ADRA1B: variants seen among roughly 807,000 people sequenced by gnomAD.
The protein encoded by ADRA1B is alpha-1B adrenergic receptor.
A neutral mutation model predicts 17.9 loss-of-function variants in ADRA1B; 17 were observed. The ratio of observed to expected loss-of-function variants is 0.95; its 90% CI spans 0.65 to 1.42. The LOEUF is 1.42. Among genes scored for constraint, ADRA1B ranks in the 40% most tolerant of loss-of-function variants. The probability of loss-of-function intolerance (pLI) is 0.00; values close to 1 mark genes in which losing one functional copy is unlikely to be tolerated. For missense variants in ADRA1B, 681 were observed against 722.1 expected, an observed-to-expected ratio of 0.94 and a Z score of 0.65; for synonymous variants, 366 against 327.6, an observed-to-expected ratio of 1.12 and a Z score of -1.27.
chr5:159,888,879 T>G (rs1039732279), intron 1 of ADRA1B, among the ~76,000 whole-genome samples: 1 of 152,230 alleles, frequency 6.6e-6, no homozygotes, highest in Non-Finnish European at 1.5e-5. Context: ...TTACCTGAAC[T>G]TCGGCTTACA....
chr5:159,871,725 G>T lies in ADRA1B; in HGVS notation c.-256+6519G>T, dbSNP rs183711655. 2.6e-5 allele frequency among the ~76,000 whole-genome samples: 4 copies of T among 152,232 alleles called. No individual in the cohort carries two copies. In the South Asian group the frequency reaches 6.2e-4, roughly 24 times the overall value. On this transcript the variant is annotated intron_variant, in intron 1 of 2. Coordinates refer to the ADRA1B transcript ENST00000641205. ...GGTGGGGTGGGGTTAGGACTTAGACGTATCTTTTGGAGATCTGCTATTCAA... is the reference window on the plus strand; with the variant it reads ...GGTGGGGTGGGGTTAGGACTTAGACTTATCTTTTGGAGATCTGCTATTCAA...
intron 1 of ADRA1B, among the ~76,000 whole-genome samples, chr5:159,885,144 T>C (rs1226286754): frequency 2.0e-5 from 3 of 152,132 alleles, no homozygotes; most frequent in African/African-American, 7.2e-5. Flanking sequence ...TCACAGACTA[T>C]CAGAACAGGA....
At chr5:159,880,309 AT>A (rs779628006) in intron 1 of ADRA1B, among the ~76,000 whole-genome samples, 38 of 152,342 alleles carry the variant, frequency 2.5e-4, no homozygotes, top group Non-Finnish European at 4.0e-4. Context: ...GGAAACATTC[AT>A]TTACTGAATT....
At chr5:159,900,959 T>G (rs573028861) in intron 1 of ADRA1B, among the ~76,000 whole-genome samples, 18 of 152,132 alleles carry the variant, frequency 1.2e-4, no homozygotes, top group Admixed American at 7.2e-4. Flanking sequence ...GGAGAGAAAA[T>G]AGTTTTAATT....
chr5:159,984,446 G>C, the ADRA1B span, among the ~76,000 whole-genome samples: 6 of 152,210 alleles, frequency 3.9e-5, no homozygotes, highest in South Asian at 1.2e-3. Flanking sequence ...ATCAGAAGCT[G>C]CCCAGAATCC....
At chr5:159,935,550 A>AT (rs921040608) in intron 1 of ADRA1B, among the ~76,000 whole-genome samples, 3 of 151,004 alleles carry the variant, frequency 2.0e-5, no homozygotes, top group Non-Finnish European at 4.4e-5. Flanking sequence ...CTTCTATACA[A>AT]TTTTTTTTTC....
chr5:159,971,870 C>A lies in ADRA1B; in HGVS notation c.950-9C>A. The A allele has an allele frequency of 3.6e-6, 2 of 550,144 alleles. No homozygotes were observed. Among genetic ancestry groups the A allele is most frequent in the South Asian group, 4.8e-5 (1 of 20,972 alleles). 34.1% of individuals were successfully genotyped at this position (550,144 alleles called of 1,614,324 possible). Reference sequence around the variant, plus strand: ...TTTCTGCCCGTGCCCACCCCCCTCCCCACTGCAGGCTCCTTGTTCTCCACC... The same window carrying A: ...TTTCTGCCCGTGCCCACCCCCCTCCACACTGCAGGCTCCTTGTTCTCCACC... On this transcript the variant is annotated splice_polypyrimidine_tract_variant and intron_variant, in intron 1 of 1. Transcript: ENST00000306675.
At chr5:159,909,309 T>C (rs557159602) in intron 1 of ADRA1B, among the ~76,000 whole-genome samples, 209 of 152,286 alleles carry the variant, frequency 1.4e-3, no homozygotes, top group Middle Eastern at 6.8e-3. Context: ...AGAAACCGCC[T>C]TCTGACATCA....
intron 1 of ADRA1B, among the ~76,000 whole-genome samples, chr5:159,904,720 A>C (rs901542365): frequency 6.6e-6 from 1 of 152,254 alleles, no homozygotes; most frequent in African/African-American, 2.4e-5. Context: ...GTAACAAGAT[A>C]CTGAAGTCTC....
intron 1 of ADRA1B, among the ~76,000 whole-genome samples, chr5:159,964,632 C>A (rs191331521): frequency 6.6e-6 from 1 of 152,276 alleles, no homozygotes; most frequent in East Asian, 1.9e-4. Context: ...CCCCTTGAGA[C>A]CATGACGACA....
At chr5:159,936,658 A>C (rs905469987) in intron 1 of ADRA1B, among the ~76,000 whole-genome samples, 3 of 149,944 alleles carry the variant, frequency 2.0e-5, no homozygotes, top group African/African-American at 4.9e-5. Flanking sequence ...TCAAACCACA[A>C]AAAAAAAAAT....
At chr5:159,938,581 A>T (rs1381583220) in intron 1 of ADRA1B, among the ~76,000 whole-genome samples, 10 of 152,250 alleles carry the variant, frequency 6.6e-5, no homozygotes, top group Non-Finnish European at 2.9e-5. Flanking sequence ...AACTACAGGC[A>T]TCTGAATCTC....
intron 1 of ADRA1B, among the ~76,000 whole-genome samples, chr5:159,930,524 A>T (rs1754773632): frequency 6.6e-6 from 1 of 152,206 alleles, no homozygotes; most frequent in Admixed American, 6.5e-5. Flanking sequence ...GGTTGCAGTG[A>T]GCTGAGATCA....
chr5:159,938,615 A>C (rs1022243164), intron 1 of ADRA1B, among the ~76,000 whole-genome samples: 2 of 152,260 alleles, frequency 1.3e-5, no homozygotes, highest in Non-Finnish European at 2.9e-5. Context: ...ACAATGCAAA[A>C]AAAGAAGTGA....
chr5:159,971,776 C>G, intron 1 of ADRA1B, 103 bp from the exon 2 acceptor site: 1 of 1,221,620 alleles, frequency 8.2e-7, no homozygotes, highest in Non-Finnish European at 1.1e-6. Flanking sequence ...GCGGCAGGAA[C>G]GCTGCAGGTT....
chr5:159,946,982 C>T (rs1369270029), intron 1 of ADRA1B, among the ~76,000 whole-genome samples: 2 of 152,198 alleles, frequency 1.3e-5, no homozygotes, highest in Non-Finnish European at 1.5e-5. Flanking sequence ...TGTTTCAGTA[C>T]GTTATCTTAT....
chr5:159,898,070 C>A (rs1561584983), intron 1 of ADRA1B, among the ~76,000 whole-genome samples: 1 of 152,256 alleles, frequency 6.6e-6, no homozygotes. Flanking sequence ...GCCAGGCAGG[C>A]AAACCACAGG....
chr5:159,879,051 C>T (rs1753829837), intron 1 of ADRA1B, among the ~76,000 whole-genome samples: 1 of 152,214 alleles, frequency 6.6e-6, no homozygotes, highest in African/African-American at 2.4e-5. Flanking sequence ...GCATATTCCT[C>T]ATGCCACTTT....
chr5:159,928,531 C>T (rs1666668625), intron 1 of ADRA1B, among the ~76,000 whole-genome samples: 1 of 152,068 alleles, frequency 6.6e-6, no homozygotes, highest in African/African-American at 2.4e-5. Flanking sequence ...GTAAGTGGCC[C>T]ATTCCTCCTA....
Sources: allele counts gnomAD v4.1 joint callset (sites outside exome capture counted in the v4.1 genomes callset), GRCh38; gene constraint gnomAD v4.1.1; transcripts MANE v1.5; gene names NCBI Gene and HGNC (gene_info 2026-07-23, HGNC 2026-07-21).